ADAM23: variants seen among roughly 807,000 people sequenced by gnomAD.
The protein encoded by ADAM23 is disintegrin and metalloproteinase domain-containing protein 23.
ADAM23 carries 33 observed loss-of-function variants against 120.1 expected under a neutral mutation model. That is an observed-to-expected ratio of 0.27 (90% confidence interval 0.21 to 0.37). The LOEUF (loss-of-function observed/expected upper bound fraction) is 0.37, where lower values mean the gene tolerates loss of function less well. Among genes scored for constraint, ADAM23 ranks in the 10% least tolerant of loss-of-function variants. The probability of loss-of-function intolerance (pLI) is 1.00; values close to 1 mark genes in which losing one functional copy is unlikely to be tolerated. For synonymous variants in ADAM23, 367 were observed against 375.2 expected (o/e 0.98, Z 0.25); for missense variants, 862 against 1,058.2 (o/e 0.81, Z 2.57).
intron 12 of ADAM23, 77 bp downstream of exon 12, chr2:206,561,289 G>A (rs1045302720): frequency 1.7e-5 from 22 of 1,264,834 alleles, no homozygotes; most frequent in Admixed American, 1.6e-4. Flanking sequence ...ATCCTTTCTC[G>A]TGCTTGTTTA....
intron 2 of ADAM23, among the ~76,000 whole-genome samples, chr2:206,449,055 T>C (rs1327163566): frequency 6.6e-6 from 1 of 152,162 alleles, no homozygotes; most frequent in African/African-American, 2.4e-5. Flanking sequence ...GATCTGACGC[T>C]GTCTCCAGGC....
At chr2:206,514,481 G>C (rs563507347) in intron 3 of ADAM23, among the ~76,000 whole-genome samples, 2 of 152,328 alleles carry the variant, frequency 1.3e-5, no homozygotes, top group South Asian at 4.1e-4. Flanking sequence ...GCAATCTCAT[G>C]ATAAGACTTG....
chr2:206,503,205 G>C (rs1026113259), intron 3 of ADAM23, among the ~76,000 whole-genome samples: 2 of 152,156 alleles, frequency 1.3e-5, no homozygotes, highest in African/African-American at 4.8e-5. Context: ...AGCAAAGCAT[G>C]ATGTTCACTA....
chr2:206,573,445 A>G (rs1308421501), intron 18 of ADAM23, among the ~76,000 whole-genome samples: 1 of 152,182 alleles, frequency 6.6e-6, no homozygotes, highest in Non-Finnish European at 1.5e-5. Flanking sequence ...TTTGTGCATT[A>G]AACAAAGTTT....
chr2:206,576,772 C>T (rs572923340), intron 18 of ADAM23, among the ~76,000 whole-genome samples: 46 of 152,164 alleles, frequency 3.0e-4, no homozygotes, highest in African/African-American at 8.9e-4. Context: ...ATTAAACTTA[C>T]GGTTTATAAT....
chr2:206,588,401 G>A (rs1698363481), intron 20 of ADAM23, among the ~76,000 whole-genome samples: 1 of 152,178 alleles, frequency 6.6e-6, no homozygotes. Flanking sequence ...AAGGGGTGTT[G>A]CATTCATTTG....
intron 2 of ADAM23, among the ~76,000 whole-genome samples, chr2:206,448,766 G>C (rs1339934410): frequency 2.6e-5 from 4 of 152,230 alleles, no homozygotes; most frequent in Middle Eastern, 3.2e-3. Context: ...ACTTCCTGGA[G>C]GGTGGAGTTC....
At chr2:206,499,411 C>T (rs1696333034) in intron 3 of ADAM23, among the ~76,000 whole-genome samples, 1 of 147,262 alleles carries the variant, frequency 6.8e-6, no homozygotes, top group South Asian at 2.1e-4. Flanking sequence ...CCAAACACTG[C>T]ATGTTCTCAC....
At chr2:206,572,303 A>G (rs564275643) in intron 17 of ADAM23, among the ~76,000 whole-genome samples, 6 of 152,308 alleles carry the variant, frequency 3.9e-5, no homozygotes, top group African/African-American at 9.6e-5. Flanking sequence ...GCACACTCAT[A>G]TGTGTATATA....
intron 20 of ADAM23, among the ~76,000 whole-genome samples, chr2:206,588,586 C>T (rs3821170): frequency 0.14 from 21,615 of 152,198 alleles, 1,882 homozygotes; most frequent in African/African-American, 0.23. Context: ...TTTACTGTCT[C>T]ACTTCAAAGT....
At chr2:206,516,171 C>T (rs72935495) in intron 3 of ADAM23, among the ~76,000 whole-genome samples, 7,711 of 151,202 alleles carry the variant, frequency 0.051, 287 homozygotes, top group Middle Eastern at 0.11. Flanking sequence ...TCCCCCACCC[C>T]AACTCCTACC....
At chr2:206,565,097 A>T (rs372100149) in intron 14 of ADAM23, 29 bp downstream of exon 14, 19 of 1,612,186 alleles carry the variant, frequency 1.2e-5, no homozygotes, top group Non-Finnish European at 1.3e-5. Flanking sequence ...TGCATTTGAT[A>T]TATGCCTTTT....
rs1029106581 is a variant in ADAM23, at chr2:206,542,146, T to G, written c.656+12T>G. ...TGCAATGGACTTCAGTAAGTGGGAA[T>G]CTCATTGGCATTTTATTCATTGACC... On this transcript the variant is annotated intron_variant, in intron 5 of 25. Coordinates refer to ENST00000264377, the MANE Select transcript of ADAM23 (RefSeq NM_003812.4). 3.7e-6 allele frequency: 6 copies of G among 1,612,688 alleles called. No individual in the cohort carries two copies. The African/African-American group carries it at 6.7e-5, about 18-fold the overall frequency.
chr2:206,580,686 G>T (rs1698204197), intron 18 of ADAM23, among the ~76,000 whole-genome samples: 1 of 152,002 alleles, frequency 6.6e-6, no homozygotes, highest in South Asian at 2.1e-4. Context: ...TTCTTTTTTG[G>T]TAATGTCCTT....
intron 4 of ADAM23, among the ~76,000 whole-genome samples, chr2:206,536,033 C>A (rs1000225357): frequency 6.6e-6 from 1 of 151,976 alleles, no homozygotes; most frequent in Non-Finnish European, 1.5e-5. Flanking sequence ...GTTTATTTAC[C>A]CACCCTCTTC....
chr2:206,604,148 C>A (rs1276884317), intron 24 of ADAM23, among the ~76,000 whole-genome samples: 1 of 151,980 alleles, frequency 6.6e-6, no homozygotes, highest in African/African-American at 2.4e-5. Context: ...CACCTGTAGT[C>A]CCAGCTACTT....
At position 206,443,783 on chromosome 2, in the gene ADAM23, G is replaced by C; in HGVS notation, c.-84G>C. On this transcript the variant is annotated 5_prime_UTR_variant, in exon 1 of 26. Coordinates refer to ENST00000264377, the MANE Select transcript of ADAM23 (RefSeq NM_003812.4). ...GCGGCACCATGCGCGCCGAGCCGGC[G>C]TGACCGGCTCCGCCCGCGGCCGCCC... 5.1e-6 allele frequency: 4 copies of C among 788,892 alleles called. No homozygotes were observed. Among genetic ancestry groups the C allele is most frequent in the Non-Finnish European group, 6.2e-6 (4 of 648,526 alleles). 48.9% of individuals were successfully genotyped at this position (788,892 alleles called of 1,614,324 possible). A position where few individuals can be genotyped will look rare whatever the true frequency, so the allele number is the denominator to read the frequency against.
intron 3 of ADAM23, among the ~76,000 whole-genome samples, chr2:206,493,615 C>T (rs2105887468): frequency 6.6e-6 from 1 of 152,312 alleles, no homozygotes; most frequent in African/African-American, 2.4e-5. Flanking sequence ...TCAGGTGATC[C>T]ACCTGCCTCG....
intron 2 of ADAM23, among the ~76,000 whole-genome samples, chr2:206,474,116 G>T (rs975663068): frequency 6.6e-6 from 1 of 151,334 alleles, no homozygotes; most frequent in Admixed American, 6.6e-5. Flanking sequence ...ACAAATTGTT[G>T]CTGGTTAGCC....
Sources: gnomAD v4.1 joint callset for allele counts (sites outside exome capture counted in the v4.1 genomes callset) on GRCh38, gnomAD v4.1.1 for gene constraint, MANE v1.5 for transcripts, NCBI Gene and HGNC (gene_info 2026-07-23, HGNC 2026-07-21) for gene names.